ERAP2: variants seen among roughly 807,000 people sequenced by gnomAD.
ERAP2 encodes endoplasmic reticulum aminopeptidase 2.
A neutral mutation model predicts 111.1 loss-of-function variants in ERAP2; 118 were observed. The ratio of observed to expected loss-of-function variants is 1.06; its 90% confidence interval spans 0.92 to 1.24. The LOEUF is 1.24. Among genes scored for constraint, ERAP2 ranks in the 50% most tolerant of loss-of-function variants. ERAP2 has a pLI of 0.00. For synonymous variants in ERAP2, 410 were observed against 401.2 expected (o/e 1.02, Z -0.26); for missense variants, 1,131 against 1,125.8 (o/e 1.00, Z -0.07).
intron 13 of ERAP2, among the ~76,000 whole-genome samples, chr5:96,903,871 G>A (rs969461528): frequency 3.3e-5 from 5 of 152,180 alleles, no homozygotes; most frequent in African/African-American, 9.7e-5. Context: ...CTATAAAGGA[G>A]AGTGCAGTGG....
intron 13 of ERAP2, among the ~76,000 whole-genome samples, chr5:96,905,756 C>T (rs932369363): frequency 2.6e-5 from 4 of 151,972 alleles, no homozygotes; most frequent in East Asian, 1.9e-4. Flanking sequence ...TGGTGGTGTA[C>T]GCCTGTAATC....
intron 2 of ERAP2, chr5:96,881,598 A>G (rs1783140485): frequency 9.5e-6 from 4 of 421,822 alleles, no homozygotes; most frequent in South Asian, 5.2e-5. Context: ...TCATGCAACA[A>G]GAAGTCCAGA....
chr5:96,891,473 A>G (rs1784356955), intron 5 of ERAP2, among the ~76,000 whole-genome samples: 1 of 84,656 alleles, frequency 1.2e-5, no homozygotes, highest in Admixed American at 1.4e-4. Context: ...ATATACAGGT[A>G]TATATATATA....
At chr5:96,904,660 G>C (rs191147870) in intron 13 of ERAP2, among the ~76,000 whole-genome samples, 1 of 152,306 alleles carries the variant, frequency 6.6e-6, no homozygotes, top group African/African-American at 2.4e-5. Flanking sequence ...CCTGCTCAAA[G>C]GAGAAGCTCT....
chr5:96,900,356 T>C (rs1785316295), intron 10 of ERAP2, 167 bp downstream of exon 10: 1 of 1,073,734 alleles, frequency 9.3e-7, no homozygotes, highest in Non-Finnish European at 1.3e-6. Context: ...TTGGGGTATT[T>C]AGGGGGACAA....
rs773970599 is a variant in ERAP2 at position 96,917,497 on chromosome 5, A to G, written c.2775A>G (p.Gly925=). 6 of 1,613,604 alleles carry G rather than the reference A, an allele frequency of 3.7e-6. No individual in the cohort carries two copies. The East Asian group carries it at 1.3e-4, about 36-fold the overall frequency. The stretch of plus-strand genomic sequence containing the variant: ...TTTTTGAATCTCTTGAGGCTCAAGG[A>G]TCACATCTGGATATTTTTCAAACTG... The part of the protein sequence containing the change: ...KLFFESLEAQ[G]SHLDIFQTVL... Residue 925 remains glycine (G), a synonymous_variant, in exon 19 of 19, where the codon GGA becomes GGG. Transcript: ENST00000437043.
At position 96,900,198 on chromosome 5, in the gene ERAP2, A is replaced by G; in HGVS notation, c.1572+9A>G. The G allele has an allele frequency of 6.2e-7, 1 of 1,613,506 alleles. No individual in the cohort carries two copies. Among genetic ancestry groups the G allele is most frequent in the Non-Finnish European group, 8.5e-7 (1 of 1,179,760 alleles). On this transcript the variant is annotated intron_variant, in intron 10 of 18. Coordinates refer to ENST00000437043, the MANE Select transcript of ERAP2 (RefSeq NM_022350.5). ...AGATGACAAGTAACATGGTAAGGATAAAGAGAGTCACAGAGTAGAAGAGAT... is the reference window on the plus strand; with the variant it reads ...AGATGACAAGTAACATGGTAAGGATGAAGAGAGTCACAGAGTAGAAGAGAT...
chr5:96,895,297 G>C lies in ERAP2; in HGVS notation c.1177G>C (p.Glu393Gln). Reference sequence around the variant, plus strand: ...ATGGTGGAATGATATTTGGCTTAAGGAGGGTTTTGCAAAATACATGGAACT... The same window carrying C: ...ATGGTGGAATGATATTTGGCTTAAGCAGGGTTTTGCAAAATACATGGAACT... The part of the protein sequence containing the change: ...MEWWNDIWLK[E>Q]GFAKYMELIA... The change falls in exon 7 of 19, where the codon GAG becomes CAG. Residue 393 changes from glutamate (E) to glutamine (Q), a missense_variant. By Grantham distance (29) the Glu-to-Gln change is conservative. Coordinates refer to ENST00000437043, the MANE Select transcript of ERAP2 (RefSeq NM_022350.5). 6.2e-7 allele frequency: 1 copy of C among 1,612,990 alleles called. No individual in the cohort carries two copies. The highest frequency in any genetic ancestry group is 8.5e-7 in the Non-Finnish European group (1 of 1,179,470).
rs991175081 is a variant in ERAP2 at position 96,915,621 on chromosome 5, T to C, written c.2658-67T>C. 4 of 864,682 alleles carry C rather than the reference T, an allele frequency of 4.6e-6. No homozygotes were observed. In the African/African-American group the frequency reaches 5.2e-5, roughly 11 times the overall value. The allele number at this position is 864,682 out of a possible 1,614,324, so 53.6% of individuals were successfully genotyped here. On this transcript the variant is annotated intron_variant, in intron 17 of 18. Transcript: ENST00000437043. The stretch of plus-strand genomic sequence containing the variant: ...TTATTAATATACATTAAAAATATAA[T>C]ACATGATATAATAAACATAAGGTCA...
chr5:96,902,187 G>A, intron 11 of ERAP2, 87 bp from the exon 12 acceptor site: 2 of 871,000 alleles, frequency 2.3e-6, no homozygotes, highest in East Asian at 4.9e-5. Flanking sequence ...GTACTTAGGT[G>A]CCTTTTACAG....
chr5:96,907,967 A>G (rs1786283784), intron 13 of ERAP2, among the ~76,000 whole-genome samples: 1 of 152,060 alleles, frequency 6.6e-6, no homozygotes, highest in Non-Finnish European at 1.5e-5. Context: ...GAAATTTTTG[A>G]AAAAAATTTC....
chr5:96,886,027 C>T (rs1202352923), intron 3 of ERAP2, among the ~76,000 whole-genome samples: 3 of 152,208 alleles, frequency 2.0e-5, no homozygotes, highest in Non-Finnish European at 4.4e-5. Context: ...CAAGCTGTCA[C>T]GCAGCAAGTG....
At chr5:96,881,218 T>C (rs1783092419) in intron 2 of ERAP2, 1 of 353,906 alleles carries the variant, frequency 2.8e-6, no homozygotes, top group African/African-American at 2.1e-5. Flanking sequence ...AAAGATCAAG[T>C]CTATGTTGAG....
At chr5:96,897,030 A>G (rs1479182936) in intron 9 of ERAP2, among the ~76,000 whole-genome samples, 167 bp downstream of exon 9, 1 of 53,808 alleles carries the variant, frequency 1.9e-5, no homozygotes, top group Non-Finnish European at 4.4e-5. Flanking sequence ...CTCTAACACC[A>G]CACTAGGATG....
chr5:96,912,828 T>A (rs779527492), intron 16 of ERAP2, 30 bp downstream of exon 16: 31 of 1,555,338 alleles, frequency 2.0e-5, no homozygotes, highest in East Asian at 2.3e-5. Flanking sequence ...TAAATTGTTA[T>A]AAGTAAACTG....
rs1434229800 is a variant in ERAP2, at chr5:96,879,598, C to G, written c.-88C>G. On this transcript the variant is annotated 5_prime_UTR_variant, in exon 2 of 19. Transcript: ENST00000437043. The stretch of plus-strand genomic sequence containing the variant: ...ATGTATTGAAAATATTGTTCAGACC[C>G]CATGTGACATAACTGGAGCCAGTGC... 1.0e-6 allele frequency: 1 copy of G among 990,710 alleles called. No homozygotes were observed. Among genetic ancestry groups the G allele is most frequent in the Non-Finnish European group, 1.6e-6 (1 of 643,650 alleles). The allele number at this position is 990,710 out of a possible 1,614,324, so 61.4% of individuals were successfully genotyped here.
chr5:96,908,724 A>T (rs1786371517), intron 13 of ERAP2, among the ~76,000 whole-genome samples: 1 of 152,212 alleles, frequency 6.6e-6, no homozygotes, highest in African/African-American at 2.4e-5. Context: ...CAACAAGCCT[A>T]TGAGGAAGAT....
At position 96,902,366 on chromosome 5, in the gene ERAP2, T is replaced by G; in HGVS notation, c.1828+13T>G. ...AAATCAAAGACAGGTAATGAACTAA[T>G]TAGCCAAACAGGTATTTCAATGTGG... is the stretch of plus-strand genomic sequence containing the variant. On this transcript the variant is annotated intron_variant, in intron 12 of 18. Transcript: ENST00000437043. The G allele has an allele frequency of 6.5e-7, 1 of 1,549,204 alleles. No individual in the cohort carries two copies. Among genetic ancestry groups the G allele is most frequent in the Non-Finnish European group, 8.9e-7 (1 of 1,121,442 alleles).
chr5:96,902,301 C>G lies in ERAP2; in HGVS notation c.1776C>G (p.Tyr592Ter), dbSNP rs769363457. The G allele has an allele frequency of 2.5e-6, 4 of 1,611,990 alleles. No homozygotes were observed. The South Asian group carries it at 3.3e-5, about 13-fold the overall frequency. Reference sequence around the variant, plus strand: ...ACCTGTGGCATATCCCATTGACCTACTCCACGAGTTCTTCTAATGTGATCC... The same window carrying G: ...ACCTGTGGCATATCCCATTGACCTAGTCCACGAGTTCTTCTAATGTGATCC... Reference protein sequence around the residue: ...ERYLWHIPLTYSTSSSNVIHR... With the variant: ...ERYLWHIPLT The change falls in exon 12 of 19, where the codon TAC becomes TAG. Residue 592 changes from tyrosine (Y) to a stop codon, truncating the protein, a stop_gained. Coordinates refer to ENST00000437043, the MANE Select transcript of ERAP2 (RefSeq NM_022350.5). LOFTEE classifies it high-confidence loss of function.
Sources: allele counts gnomAD v4.1 joint callset (sites outside exome capture counted in the v4.1 genomes callset), GRCh38; gene constraint gnomAD v4.1.1; transcripts MANE v1.5; gene names NCBI Gene and HGNC (gene_info 2026-07-23, HGNC 2026-07-21).